Variants in SPATA22 observed in about 807,000 individuals in gnomAD.
SPATA22 encodes spermatogenesis-associated protein 22.
SPATA22 carries 29 observed loss-of-function variants against 47.8 expected under a neutral mutation model. That is an observed-to-expected ratio of 0.61 (90% CI 0.45 to 0.83). The LOEUF (loss-of-function observed/expected upper bound fraction) is 0.83, where lower values mean the gene tolerates loss of function less well. Among genes scored for constraint, SPATA22 ranks in the 40% least tolerant of loss-of-function variants. SPATA22 has a pLI of 0.00. For missense variants in SPATA22, 410 were observed against 421.7 expected (o/e 0.97, Z 0.24); for synonymous variants, 133 against 140.9 (o/e 0.94, Z 0.40).
At chr17:3,444,895 A>G (rs1218809037) in intron 7 of SPATA22, among the ~76,000 whole-genome samples, 5 of 152,146 alleles carry the variant, frequency 3.3e-5, no homozygotes, top group South Asian at 2.1e-4. Flanking sequence ...TTATTATAGC[A>G]CTATGAAAGC....
intron 7 of SPATA22, among the ~76,000 whole-genome samples, chr17:3,445,029 A>G (rs1443939796): frequency 6.6e-6 from 1 of 152,096 alleles, no homozygotes; most frequent in Non-Finnish European, 1.5e-5. Context: ...ACAACTCACC[A>G]AAGAGAACCT....
intron 1 of SPATA22, chr17:3,481,540 A>C: frequency 1.4e-6 from 2 of 1,463,914 alleles, no homozygotes; most frequent in South Asian, 1.2e-5. Flanking sequence ...CTGTGTTCTT[A>C]TTATATGTTT....
At position 3,490,643 on chromosome 17, in the gene SPATA22, C is replaced by T. The variant is rs2073809193; in HGVS notation, c.-73-21245G>A. Among the ~76,000 whole-genome samples the T allele has an allele frequency of 1.3e-5, 2 of 152,154 alleles. No individual in the cohort carries two copies. The highest frequency in any genetic ancestry group is 6.6e-5 in the Admixed American group (1 of 15,260). On this transcript the variant is annotated intron_variant, in intron 1 of 8. Transcript: ENST00000541913. The surrounding 1 kb of genome is among the most constrained non-coding windows in gnomAD (Gnocchi z 4.6). ...GCTTTTTACCATCTTTGTCTGAGGG[C>T]AGGTTCTATACTGTCTAATGGAACT... is the stretch of plus-strand genomic sequence containing the variant.
intron 1 of SPATA22, among the ~76,000 whole-genome samples, chr17:3,493,093 G>A (rs774680642): frequency 2.6e-5 from 4 of 152,164 alleles, no homozygotes; most frequent in Non-Finnish European, 5.9e-5. Context: ...TGGACCAAAC[G>A]TTCATCCTGT....
chr17:3,505,261 G>A lies in SPATA22; in HGVS notation c.-74+8151C>T, dbSNP rs75857932. On this transcript the variant is annotated intron_variant, in intron 1 of 8. Transcript: ENST00000541913. ...TGCAACCGTAATGCTTTATGACACC[G>A]GGGCAGGTGAAGTTATTGTCTGTCT... 6.7e-3 allele frequency among the ~76,000 whole-genome samples: 1,023 copies of A among 152,316 alleles called. 8 individuals carry two copies. The highest frequency in any genetic ancestry group is 0.058 in the Middle Eastern group (17 of 294).
Position 3,462,578 on chromosome 17 carries a change from C to T in SPATA22, c.234G>A (p.Gly78=). 1 of 1,610,972 alleles carries T rather than the reference C, an allele frequency of 6.2e-7. No individual in the cohort carries two copies. The highest frequency in any genetic ancestry group is 8.5e-7 in the Non-Finnish European group (1 of 1,177,862). Residue 78 remains glycine (G), a splice_region_variant and synonymous_variant, in exon 5 of 9, where the codon GGG becomes GGA. Transcript: ENST00000572969. ...LAPVMKTVDT[G]QIPHSVSRPL... is the part of the protein sequence containing the mutation. ...GACGAGAAACTGAATGTGGTATTTG[C>T]CTTTCAAGGGAATATGTCTTGTTAA...
chr17:3,447,139 C>CT (rs920895691), intron 6 of SPATA22, among the ~76,000 whole-genome samples: 19 of 150,794 alleles, frequency 1.3e-4, no homozygotes, highest in Non-Finnish European at 2.2e-4. Context: ...AGGAAATGTA[C>CT]TTTTTTTTTA....
rs1292448450 is a variant in SPATA22 at position 3,488,188 on chromosome 17, G to A, written c.-73-18790C>T. ...CCAAATAGAGAAGGTGATGACTGGG[G>A]AGATGACTTTGTGGGAGACTTGAAC... On this transcript the variant is annotated intron_variant, in intron 1 of 8. Coordinates refer to the SPATA22 transcript ENST00000541913. The surrounding 1 kb of genome is among the most constrained non-coding windows in gnomAD (Gnocchi z 6.1). Among the ~76,000 whole-genome samples, 1 of 152,142 alleles carries A rather than the reference G, an allele frequency of 6.6e-6. No homozygotes were observed. Among genetic ancestry groups the A allele is most frequent in the East Asian group, 1.9e-4 (1 of 5,196 alleles).
At chr17:3,471,009 G>A (rs2073419844) in intron 1 of SPATA22, among the ~76,000 whole-genome samples, 1 of 152,036 alleles carries the variant, frequency 6.6e-6, no homozygotes, top group Non-Finnish European at 1.5e-5. Flanking sequence ...ACAAAAATTA[G>A]CCGGGCATGG....
chr17:3,500,856 T>A (rs1424551286), intron 1 of SPATA22: 1 of 152,118 alleles, frequency 6.6e-6, no homozygotes, highest in Non-Finnish European at 1.5e-5. Context: ...GTCTGAGCTC[T>A]ATAAATGGAA....
chr17:3,502,806 A>C (rs1363548320), intron 1 of SPATA22: 1 of 152,216 alleles, frequency 6.6e-6, no homozygotes, highest in African/African-American at 2.4e-5. Context: ...CACAGCTGTC[A>C]CTTCTCATTT....
chr17:3,509,838 A>G (rs533199801), intron 1 of SPATA22, among the ~76,000 whole-genome samples: 4 of 14,772 alleles, frequency 2.7e-4, no homozygotes, highest in African/African-American at 3.0e-4. Context: ...TTGTTTCCTG[A>G]CTTTTTAATA....
rs34843449 is a variant in SPATA22 at position 3,470,768 on chromosome 17, A to C, written c.-74+914T>G. 1.0e-4 allele frequency among the ~76,000 whole-genome samples: 15 copies of C among 148,152 alleles called. No individual in the cohort carries two copies. The East Asian group carries it at 2.6e-3, about 26-fold the overall frequency. On this transcript the variant is annotated intron_variant, in intron 1 of 8. Transcript: ENST00000572969. ...TCCGTCTCAAAAAAAAAAGAAAAAA[A>C]AACAACTTGGGAAACACGAGGTCAG...
At chr17:3,510,328 C>T (rs1416228047) in intron 1 of SPATA22, among the ~76,000 whole-genome samples, 1 of 152,168 alleles carries the variant, frequency 6.6e-6, no homozygotes, top group Non-Finnish European at 1.5e-5. Flanking sequence ...GATGCAAATA[C>T]GTACAAAGGT....
chr17:3,442,912 A>ACC (rs1457030962), intron 8 of SPATA22, among the ~76,000 whole-genome samples: 1 of 151,976 alleles, frequency 6.6e-6, no homozygotes, highest in Non-Finnish European at 1.5e-5. Flanking sequence ...ACATTTCTGT[A>ACC]CCATTCTACC....
chr17:3,496,483 C>CA (rs576427945), intron 1 of SPATA22, among the ~76,000 whole-genome samples: 330 of 152,248 alleles, frequency 2.2e-3, no homozygotes, highest in African/African-American at 7.6e-3. Context: ...ATGTGGAAGG[C>CA]AAGTGAGAGG....
At position 3,488,075 on chromosome 17, in the gene SPATA22, C is replaced by T. The variant is rs756208733; in HGVS notation, c.-73-18677G>A. ...TTTGTGTATTGGGAAATAACAGAAGCGGGTGAAAACAAGATGAGTGTAAAA... is the reference window on the plus strand; with the variant it reads ...TTTGTGTATTGGGAAATAACAGAAGTGGGTGAAAACAAGATGAGTGTAAAA... On this transcript the variant is annotated intron_variant, in intron 1 of 8. Transcript: ENST00000541913. This position sits in a 1 kb window ranked among gnomAD's most constrained non-coding sequence, Gnocchi z 6.1. Among the ~76,000 whole-genome samples, 3 of 151,956 alleles carry T rather than the reference C, an allele frequency of 2.0e-5. No homozygotes were observed. Among genetic ancestry groups the T allele is most frequent in the Non-Finnish European group, 2.9e-5 (2 of 67,982 alleles).
At chr17:3,448,723 GCTCTTAT>G (rs1448482568) in intron 6 of SPATA22, 77 bp downstream of exon 6, 10 of 957,436 alleles carry the variant, frequency 1.0e-5, no homozygotes, top group African/African-American at 1.7e-5. Flanking sequence ...TATTTCAGGC[GCTCTTAT>G]CTCTGTAGTT....
intron 1 of SPATA22, among the ~76,000 whole-genome samples, chr17:3,507,450 T>A (rs1444928626): frequency 2.0e-5 from 3 of 152,234 alleles, no homozygotes; most frequent in African/African-American, 7.2e-5. Flanking sequence ...CAATTTTTGT[T>A]GAATTGGTTC....
Sources: allele counts gnomAD v4.1 joint callset (sites outside exome capture counted in the v4.1 genomes callset), GRCh38; gene constraint gnomAD v4.1.1; non-coding constraint Gnocchi (gnomAD v3.1); transcripts MANE v1.5; gene names NCBI Gene and HGNC (gene_info 2026-07-23, HGNC 2026-07-21).